AKIRIN1: variants seen among roughly 807,000 people sequenced by gnomAD.
AKIRIN1 encodes the protein akirin 1.
Under a neutral mutation model 25.9 loss-of-function variants are expected in AKIRIN1, and 4 were observed. That is an observed-to-expected ratio of 0.15 (90% confidence interval 0.08 to 0.35). The LOEUF (loss-of-function observed/expected upper bound fraction) is 0.35. Among genes scored for constraint, AKIRIN1 ranks in the 10% least tolerant of loss-of-function variants. The pLI is 1.00. For missense variants in AKIRIN1, 243 were observed against 266.1 expected (o/e 0.91, Z 0.61); for synonymous variants, 125 against 105.1 (o/e 1.19, Z -1.16).
rs1422404061 is a variant in AKIRIN1, at chr1:38,998,217, G to A, written c.267G>A (p.Arg89=). The A allele has an allele frequency of 6.2e-6, 10 of 1,613,876 alleles. No individual in the cohort carries two copies. In the South Asian group the frequency reaches 1.1e-4, roughly 18 times the overall value. ...AACAAGAATATAGTCGTTATCAGAG[G>A]TGGAGACATTTAGAAGTTGTTCTTA... ...NIKQEYSRYQ[R]WRHLEVVLNQ... Residue 89 remains arginine, a synonymous_variant, in exon 2 of 5, where the codon AGG becomes AGA. Coordinates refer to ENST00000432648, the MANE Select transcript of AKIRIN1 (RefSeq NM_024595.3).
chr1:39,003,528 G>A, intron 4 of AKIRIN1, 110 bp downstream of exon 4: 1 of 976,686 alleles, frequency 1.0e-6, no homozygotes, highest in South Asian at 1.4e-5. Flanking sequence ...AATGTGCCCA[G>A]CACTATGCTA....
intron 1 of AKIRIN1, 22 bp from the exon 2 acceptor site, chr1:38,998,149 A>G (rs1468169270): frequency 6.3e-7 from 1 of 1,598,182 alleles, no homozygotes; most frequent in Non-Finnish European, 8.5e-7. Flanking sequence ...GTGAAAGCTC[A>G]AGTTTGTTTC....
At chr1:39,000,602 G>A (rs780587288) in intron 2 of AKIRIN1, among the ~76,000 whole-genome samples, 2 of 150,854 alleles carry the variant, frequency 1.3e-5, no homozygotes, top group African/African-American at 2.4e-5. Flanking sequence ...CGCCCACCTC[G>A]ACCTCCCAGA....
chr1:38,993,198 A>G (rs1017814214), intron 1 of AKIRIN1, among the ~76,000 whole-genome samples: 4 of 152,230 alleles, frequency 2.6e-5, no homozygotes, highest in Admixed American at 6.5e-5. Flanking sequence ...GTTTTATTCA[A>G]TACTACTATC....
At chr1:38,994,984 C>A (rs1231512327) in intron 1 of AKIRIN1, among the ~76,000 whole-genome samples, 1 of 151,980 alleles carries the variant, frequency 6.6e-6, no homozygotes, top group Non-Finnish European at 1.5e-5. Context: ...GCCACCACAC[C>A]CGGCCTACTA....
intron 1 of AKIRIN1, among the ~76,000 whole-genome samples, chr1:38,994,992 C>G (rs1311840808): frequency 1.3e-5 from 2 of 151,762 alleles, no homozygotes; most frequent in Non-Finnish European, 2.9e-5. Context: ...ACCCGGCCTA[C>G]TAATTTTTGT....
At position 38,998,319 on chromosome 1, in the gene AKIRIN1, C is replaced by G; in HGVS notation, c.361+8C>G. On this transcript the variant is annotated splice_region_variant and intron_variant, in intron 2 of 4. Coordinates refer to ENST00000432648, the MANE Select transcript of AKIRIN1 (RefSeq NM_024595.3). ...CAGCACCTAGCTCTCCAGGTAAGCC[C>G]ACTTTGATCTGCAAAATTCGCATTA... 4 of 1,588,230 alleles carry G rather than the reference C, an allele frequency of 2.5e-6. No individual in the cohort carries two copies. Among genetic ancestry groups the G allele is most frequent in the Non-Finnish European group, 3.4e-6 (4 of 1,167,982 alleles).
At chr1:38,992,484 C>T (rs1643913914) in intron 1 of AKIRIN1, among the ~76,000 whole-genome samples, 1 of 152,156 alleles carries the variant, frequency 6.6e-6, no homozygotes, top group Non-Finnish European at 1.5e-5. Context: ...TTCTATTCCT[C>T]AAGCTTAAGC....
intron 1 of AKIRIN1, among the ~76,000 whole-genome samples, chr1:38,995,707 C>T (rs530984265): frequency 6.6e-6 from 1 of 152,302 alleles, no homozygotes; most frequent in African/African-American, 2.4e-5. Context: ...AGTTCTTATC[C>T]TTGTATTGGC....
intron 1 of AKIRIN1, 21 bp downstream of exon 1, chr1:38,991,621 T>C (rs111311750): frequency 0.37 from 462,848 of 1,251,222 alleles, 89,057 homozygotes; most frequent in Non-Finnish European, 0.4. Context: ...CTGCTCTGGG[T>C]TTGGCAGGAA....
At chr1:39,001,140 C>T (rs1643988265) in intron 3 of AKIRIN1, 34 bp downstream of exon 3, 2 of 1,576,784 alleles carry the variant, frequency 1.3e-6, no homozygotes, top group South Asian at 2.3e-5. Context: ...TTGTCATTAA[C>T]AGGGTTCAGT....
Position 39,001,120 on chromosome 1 carries a change from G to T in AKIRIN1, c.496+14G>T. On this transcript the variant is annotated intron_variant, in intron 3 of 4. Coordinates refer to ENST00000432648, the MANE Select transcript of AKIRIN1 (RefSeq NM_024595.3). ...CCAAACTAGCAGGTAGGCCCAGGCA[G>T]TGACTGCCATTGTCATTAACAGGGT... 3 of 1,602,358 alleles carry T rather than the reference G, an allele frequency of 1.9e-6. No homozygotes were observed. The highest frequency in any genetic ancestry group is 2.6e-6 in the Non-Finnish European group (3 of 1,175,424).
At chr1:38,992,494 C>G (rs1027788415) in intron 1 of AKIRIN1, among the ~76,000 whole-genome samples, 16 of 152,132 alleles carry the variant, frequency 1.1e-4, no homozygotes, top group African/African-American at 3.4e-4. Context: ...CAAGCTTAAG[C>G]AAAACCTTAG....
Position 39,003,362 on chromosome 1 carries a change from T to G in AKIRIN1, c.512T>G (p.Phe171Cys), listed in dbSNP as rs1477768228. 17 of 1,613,852 alleles carry G rather than the reference T, an allele frequency of 1.1e-5. No homozygotes were observed. Among genetic ancestry groups the G allele is most frequent in the Non-Finnish European group, 1.4e-5 (16 of 1,179,956 alleles). Residue 171 changes from phenylalanine to cysteine, a missense_variant, in exon 4 of 5, where the codon TTT becomes TGT. Transcript: ENST00000432648. ...NTKLAEQYESFVKFTHDQIMR... is the reference protein window; with the variant it reads ...NTKLAEQYESCVKFTHDQIMR... ...CTTCTCACAGAACAATATGAATCTTTTGTGAAATTCACACATGATCAGATT... is the reference window on the plus strand; with the variant it reads ...CTTCTCACAGAACAATATGAATCTTGTGTGAAATTCACACATGATCAGATT...
intron 1 of AKIRIN1, 113 bp from the exon 2 acceptor site, chr1:38,998,040 GATTGAGACCTACATGCCA>G (rs1643960534): frequency 8.1e-6 from 8 of 988,074 alleles, no homozygotes; most frequent in Non-Finnish European, 1.2e-5. Context: ...GGGAGGGGGA[GATTGAGACCTACATGCCA>G]AAGGGAGTAT....
At position 38,991,607 on chromosome 1, in the gene AKIRIN1, T is replaced by C; in HGVS notation, c.220+7T>C. 1 of 1,067,574 alleles carries C rather than the reference T, an allele frequency of 9.4e-7. No individual in the cohort carries two copies. The highest frequency in any genetic ancestry group is 6.2e-5 in the Admixed American group (1 of 16,068). The allele number at this position is 1,067,574 out of a possible 1,614,324, so 66.1% of individuals were successfully genotyped here. On this transcript the variant is annotated splice_region_variant and intron_variant, in intron 1 of 4. Transcript: ENST00000432648. Reference sequence around the variant, plus strand: ...CGGCGCCTTCCAACTCCGGGTAACCTGCCCTGCTCTGGGTTTGGCAGGAAG... The same window carrying C: ...CGGCGCCTTCCAACTCCGGGTAACCCGCCCTGCTCTGGGTTTGGCAGGAAG...
At chr1:39,002,453 G>A (rs112129118) in intron 3 of AKIRIN1, among the ~76,000 whole-genome samples, 2,689 of 152,222 alleles carry the variant, frequency 0.018, 77 homozygotes, top group African/African-American at 0.061. Context: ...GGTCTAGGCC[G>A]GGCGCAGTGG....
intron 3 of AKIRIN1, 99 bp downstream of exon 3, chr1:39,001,205 G>A: frequency 7.1e-7 from 1 of 1,408,968 alleles, no homozygotes; most frequent in Non-Finnish European, 9.5e-7. Context: ...CCTCATGCAA[G>A]GGAGTTTATT....
intron 3 of AKIRIN1, among the ~76,000 whole-genome samples, chr1:39,001,951 A>C (rs181722377): frequency 6.6e-6 from 1 of 152,352 alleles, no homozygotes; most frequent in South Asian, 2.1e-4. Context: ...ACAGTAGAGT[A>C]AAAGCAAGGC....
Sources: gnomAD v4.1 joint callset for allele counts (sites outside exome capture counted in the v4.1 genomes callset) on GRCh38, gnomAD v4.1.1 for gene constraint, MANE v1.5 for transcripts, NCBI Gene and HGNC (gene_info 2026-07-23, HGNC 2026-07-21) for gene names.